The following TNNI2 variants were observed in gnomAD, a reference collection of about 807,000 sequenced individuals.
The protein encoded by TNNI2 is troponin I2, fast skeletal type, also known as troponin I, fast skeletal muscle.
Under a neutral mutation model 26.5 loss-of-function variants are expected in TNNI2, and 14 were observed. The ratio of observed to expected loss-of-function variants is 0.53; its 90% CI spans 0.35 to 0.83. The LOEUF (loss-of-function observed/expected upper bound fraction) is 0.83. TNNI2 is among the 40% of genes least tolerant of loss of function. TNNI2 has a pLI of 0.01. For missense variants in TNNI2, 205 were observed against 248.5 expected, an observed-to-expected ratio of 0.82 and a Z score of 1.18; for synonymous variants, 126 against 97.6, an observed-to-expected ratio of 1.29 and a Z score of -1.71.
At chr11:1,840,794 C>T (rs776399811) in intron 5 of TNNI2, 25 bp from the exon 6 acceptor site, 14 of 1,603,846 alleles carry the variant, frequency 8.7e-6, no homozygotes, top group South Asian at 6.7e-5. Context: ...TCAGGACGGC[C>T]GCCCGCCCCC....
chr11:1,839,511 C>A (rs970783214), intron 1 of TNNI2, 164 bp from the exon 2 acceptor site: 6 of 633,426 alleles, frequency 9.5e-6, no homozygotes, highest in Non-Finnish European at 1.3e-5. Context: ...AATTCCAAGA[C>A]ATTGTCCTTG....
At chr11:1,839,564 G>C (rs1847117539) in intron 1 of TNNI2, 111 bp from the exon 2 acceptor site, 1 of 1,080,394 alleles carries the variant, frequency 9.3e-7, no homozygotes, top group Admixed American at 2.0e-5. Context: ...TAGGGGGTGG[G>C]CGGGAGGGGG....
intron 1 of TNNI2, 94 bp from the exon 2 acceptor site, chr11:1,839,581 T>C: frequency 7.3e-7 from 1 of 1,369,330 alleles, no homozygotes; most frequent in Non-Finnish European, 1.0e-6. Context: ...GGGGCTGTCA[T>C]CAGGAGCCCT....
chr11:1,839,724 C>G lies in TNNI2; in HGVS notation c.8+20C>G. The G allele has an allele frequency of 6.2e-7, 1 of 1,613,880 alleles. No individual in the cohort carries two copies. The highest frequency in any genetic ancestry group is 8.5e-7 in the Non-Finnish European group (1 of 1,179,892). ...GGGAGAGTAAGTGGTACCCCTGTAC[C>G]CCCATACAGTGACCCTGCCCACCTC... On this transcript the variant is annotated intron_variant, in intron 2 of 7. Coordinates refer to ENST00000381911, the MANE Select transcript of TNNI2 (RefSeq NM_003282.4).
At chr11:1,840,745 G>C (rs1847152688) in intron 5 of TNNI2, 74 bp from the exon 6 acceptor site, 2 of 1,606,012 alleles carry the variant, frequency 1.2e-6, no homozygotes, top group South Asian at 2.2e-5. Flanking sequence ...GGCCAGTGGG[G>C]TGGTCAGGGC....
chr11:1,839,896 G>A (rs560121146), intron 3 of TNNI2, 41 bp downstream of exon 3: 4 of 1,613,022 alleles, frequency 2.5e-6, no homozygotes, highest in South Asian at 2.2e-5. Context: ...CGAGGAGGGG[G>A]CTCCCCCAAC....
rs1464842024 is a variant in TNNI2 at position 1,839,763 on chromosome 11, C to A, written c.8+59C>A. ...CCTGCCCACCTCCTGCCCTGTCCAC[C>A]CCATCACACACTCCGACCCCGCCAG... On this transcript the variant is annotated intron_variant, in intron 2 of 7. Transcript: ENST00000381911. 8.1e-6 allele frequency: 13 copies of A among 1,612,852 alleles called. No individual in the cohort carries two copies. The Middle Eastern group carries it at 9.9e-4, about 122-fold the overall frequency.
In TNNI2 at chr11:1,841,651, C is replaced by G. The variant is rs1038968266; in HGVS notation, c.*100C>G. ...TGCCAGGGAGGGCTGGCCTCACCAC[C>G]ACCGTCAATAAAGGATTTGAATCCC... On this transcript the variant is annotated 3_prime_UTR_variant, in exon 8 of 8. Transcript: ENST00000381911. The G allele has an allele frequency of 3.8e-6, 4 of 1,062,962 alleles. No individual in the cohort carries two copies. Among genetic ancestry groups the G allele is most frequent in the Non-Finnish European group, 5.7e-6 (4 of 699,780 alleles). The allele number at this position is 1,062,962 out of a possible 1,614,324, so 65.8% of individuals were successfully genotyped here.
At chr11:1,840,238 G>A (rs1043852381) in intron 3 of TNNI2, 165 bp from the exon 4 acceptor site, 4 of 1,550,912 alleles carry the variant, frequency 2.6e-6, no homozygotes, top group East Asian at 2.4e-5. Flanking sequence ...CCCAGTGCAA[G>A]GTCTGGGGCC....
At chr11:1,839,519 T>C (rs1589795403) in intron 1 of TNNI2, 156 bp from the exon 2 acceptor site, 1 of 665,246 alleles carries the variant, frequency 1.5e-6, no homozygotes, top group East Asian at 2.8e-5. Flanking sequence ...GACATTGTCC[T>C]TGAAGGAGGT....
chr11:1,841,344 G>A, intron 7 of TNNI2, 112 bp from the exon 8 acceptor site: 7 of 1,531,454 alleles, frequency 4.6e-6, no homozygotes, highest in Middle Eastern at 1.8e-4. Context: ...GTGCCATGCA[G>A]GGGACACTCC....
At position 1,840,361 on chromosome 11, in the gene TNNI2, G is replaced by A. The variant is rs759013292; in HGVS notation, c.16-42G>A. 1.6e-5 allele frequency: 26 copies of A among 1,587,610 alleles called. No homozygotes were observed. In the Middle Eastern group the frequency reaches 5.1e-4, roughly 31 times the overall value. On this transcript the variant is annotated intron_variant, in intron 3 of 7. Transcript: ENST00000381911. ...GTGGAAGGGGGTGGGGGTGCTCCAG[G>A]CCTGGAGGCCCTGACTCGACCCCCT... is the stretch of plus-strand genomic sequence containing the variant.
rs1877444 is a variant in TNNI2, at chr11:1,839,995, C to A, written c.15+140C>A. On this transcript the variant is annotated intron_variant, in intron 3 of 7. Transcript: ENST00000381911. Reference sequence around the variant, plus strand: ...CCCGCTGGCAAAAGTGCCCCACCCACCCACCAAGACGCTGCTGAAAGAGAG... The same window carrying A: ...CCCGCTGGCAAAAGTGCCCCACCCAACCACCAAGACGCTGCTGAAAGAGAG... The A allele has an allele frequency of 0.24, 314,768 of 1,304,916 alleles. 40,201 individuals are homozygous for A. Among genetic ancestry groups the A allele is most frequent in the Non-Finnish European group, 0.25 (239,952 of 950,586 alleles). 80.8% of individuals were successfully genotyped at this position (1,304,916 alleles called of 1,614,324 possible). A position where few individuals can be genotyped will look rare whatever the true frequency, so the allele number is the denominator to read the frequency against.
At position 1,841,251 on chromosome 11, in the gene TNNI2, G is replaced by A. The variant is rs764136137; in HGVS notation, c.453+44G>A. On this transcript the variant is annotated intron_variant, in intron 7 of 7. Transcript: ENST00000381911. ...GCACCACCACACCTACCCTGCCGGG[G>A]AAGCACCTCCCACACCTGCCCCGCC... is the stretch of plus-strand genomic sequence containing the variant. The A allele has an allele frequency of 3.7e-6, 6 of 1,601,024 alleles. No individual in the cohort carries two copies. In the South Asian group the frequency reaches 4.4e-5, roughly 12 times the overall value.
In TNNI2 at chr11:1,840,451, G is replaced by A. The variant is rs773553094; in HGVS notation, c.57+7G>A. The A allele has an allele frequency of 1.2e-6, 2 of 1,610,828 alleles. No individual in the cohort carries two copies. On this transcript the variant is annotated splice_region_variant and intron_variant, in intron 4 of 7. Transcript: ENST00000381911. ...CCGCAGGCAGCACCTGAAGGTAGGT[G>A]TGGGCTCCCGGGGGGGTGGCCCAGG...
At position 1,839,856 on chromosome 11, in the gene TNNI2, G is replaced by A; in HGVS notation, c.15+1G>A. On this transcript the variant is annotated splice_donor_variant, in intron 3 of 7. Transcript: ENST00000381911. LOFTEE classifies it high-confidence loss of function. Reference sequence around the variant, plus strand: ...TCCTCCCTCCCTGGACAGTGAGGAGGTAAGTAGTTGCTGGGGGCTCAAAAC... The same window carrying A: ...TCCTCCCTCCCTGGACAGTGAGGAGATAAGTAGTTGCTGGGGGCTCAAAAC... 2 of 1,613,822 alleles carry A rather than the reference G, an allele frequency of 1.2e-6. No individual in the cohort carries two copies. Among genetic ancestry groups the A allele is most frequent in the Non-Finnish European group, 1.7e-6 (2 of 1,179,862 alleles).
rs1295923181 is a variant in TNNI2 at position 1,840,459 on chromosome 11, C to T, written c.57+15C>T. On this transcript the variant is annotated intron_variant, in intron 4 of 7. Transcript: ENST00000381911. ...AGCACCTGAAGGTAGGTGTGGGCTC[C>T]CGGGGGGGTGGCCCAGGTGGGTCTG... 4 of 1,610,768 alleles carry T rather than the reference C, an allele frequency of 2.5e-6. No individual in the cohort carries two copies. The highest frequency in any genetic ancestry group is 3.4e-6 in the Non-Finnish European group (4 of 1,179,514).
intron 3 of TNNI2, 55 bp downstream of exon 3, chr11:1,839,910 G>A: frequency 6.2e-7 from 1 of 1,611,826 alleles, no homozygotes; most frequent in South Asian, 1.1e-5. Flanking sequence ...CCCCAACTCA[G>A]CATAGGTCAT....
At chr11:1,840,973 G>T (rs929509021) in intron 6 of TNNI2, 58 bp from the exon 7 acceptor site, 2 of 1,578,068 alleles carry the variant, frequency 1.3e-6, no homozygotes, top group African/African-American at 2.7e-5. Context: ...GGCGGGGCGG[G>T]CCGGGGAGGC....
Sources: allele counts gnomAD v4.1 joint callset, GRCh38; gene constraint gnomAD v4.1.1; transcripts MANE v1.5; gene names NCBI Gene and HGNC (gene_info 2026-07-23, HGNC 2026-07-21).